MAP3K14: variants seen among roughly 807,000 people sequenced by gnomAD.
MAP3K14 encodes the protein NF-kappa-beta-inducing kinase.
Under a neutral mutation model 99.2 loss-of-function variants are expected in MAP3K14, and 16 were observed. That is an observed-to-expected ratio of 0.16 (90% confidence interval 0.11 to 0.24). MAP3K14 has a LOEUF of 0.24. MAP3K14 is among the 10% of genes least tolerant of loss of function. MAP3K14 has a pLI of 1.00. For missense variants in MAP3K14, 784 were observed against 1,208.7 expected, an observed-to-expected ratio of 0.65 and a Z score of 5.21; for synonymous variants, 462 against 492.4, an observed-to-expected ratio of 0.94 and a Z score of 0.82.
rs1288214176 is a variant in MAP3K14 at position 45,290,737 on chromosome 17, C to T, written c.9G>A (p.Val3=). MA[V]MEMACPGAPG... ...GGGCACCTGGGCAGGCCATTTCCAT[C>T]ACTGCCATCTCCCAGGCTTGTGCTC... is the stretch of plus-strand genomic sequence containing the variant. Residue 3 remains valine (V), a synonymous_variant, in exon 2 of 16, where the codon GTG becomes GTA. Coordinates refer to ENST00000344686, the MANE Select transcript of MAP3K14 (RefSeq NM_003954.5). The T allele has an allele frequency of 6.2e-7, 1 of 1,613,132 alleles. No individual in the cohort carries two copies. Among genetic ancestry groups the T allele is most frequent in the South Asian group, 1.1e-5 (1 of 91,064 alleles).
intron 14 of MAP3K14, 29 bp downstream of exon 14, chr17:45,266,508 C>A: frequency 6.3e-7 from 1 of 1,585,396 alleles, no homozygotes. Context: ...GCCACGGGGA[C>A]TGCTGAGCAG....
chr17:45,304,010 CTTTTTTTTTTTT>C (rs1026894731), intron 1 of MAP3K14, among the ~76,000 whole-genome samples: 2 of 127,732 alleles, frequency 1.6e-5, no homozygotes, highest in East Asian at 4.6e-4. Context: ...CTTTTCTTTT[CTTTTTTTTTTTT>C]TTTTTTTTGA....
At chr17:45,285,561 G>A (rs896079995) in intron 5 of MAP3K14, among the ~76,000 whole-genome samples, 1 of 152,112 alleles carries the variant, frequency 6.6e-6, no homozygotes, top group Non-Finnish European at 1.5e-5. Flanking sequence ...GGAAGGGGGA[G>A]GTTGCAGTGA....
intron 5 of MAP3K14, 24 bp from the exon 6 acceptor site, chr17:45,284,973 A>G: frequency 6.5e-7 from 1 of 1,549,878 alleles, no homozygotes; most frequent in Non-Finnish European, 8.7e-7. Context: ...GAGAGAGAGG[A>G]CAGTTTCAGT....
intron 6 of MAP3K14, 30 bp from the exon 7 acceptor site, chr17:45,274,623 C>G (rs753132214): frequency 1.2e-5 from 19 of 1,609,280 alleles, no homozygotes; most frequent in Admixed American, 1.7e-5. Flanking sequence ...GCTGTTAAGA[C>G]AGGGTGAGGG....
intron 2 of MAP3K14, among the ~76,000 whole-genome samples, chr17:45,289,648 A>G (rs1407408953): frequency 6.6e-6 from 1 of 152,254 alleles, no homozygotes; most frequent in Admixed American, 6.5e-5. Context: ...TAGGAAAAAC[A>G]GCTATTAGGT....
chr17:45,278,365 TC>T (rs906623812), intron 6 of MAP3K14, among the ~76,000 whole-genome samples: 19 of 152,284 alleles, frequency 1.2e-4, no homozygotes, highest in African/African-American at 4.6e-4. Flanking sequence ...TCTCTGAACT[TC>T]CGTGTTCCTC....
At chr17:45,290,788 C>A (rs2143831138) in intron 1 of MAP3K14, 23 bp from the exon 2 acceptor site, 1 of 1,596,754 alleles carries the variant, frequency 6.3e-7, no homozygotes, top group East Asian at 2.2e-5. Context: ...AAACACAGAG[C>A]AGGTCACTTA....
In MAP3K14 at chr17:45,286,383, C is replaced by A; in HGVS notation, c.1152+48G>T. ...TCTGATAAAGAGAGAAAAGCATCCC[C>A]CAGGTTGCTGGTAGAGGGACATATA... On this transcript the variant is annotated intron_variant, in intron 5 of 15. Coordinates refer to ENST00000344686, the MANE Select transcript of MAP3K14 (RefSeq NM_003954.5). The surrounding 1 kb of genome is among the most constrained non-coding windows in gnomAD (Gnocchi z 4.1). The A allele has an allele frequency of 6.6e-7, 1 of 1,510,512 alleles. No individual in the cohort carries two copies. The highest frequency in any genetic ancestry group is 2.3e-5 in the East Asian group (1 of 43,110). 93.6% of individuals were successfully genotyped at this position (1,510,512 alleles called of 1,614,324 possible).
chr17:45,301,073 T>A (rs538906626), intron 1 of MAP3K14, among the ~76,000 whole-genome samples: 8 of 148,320 alleles, frequency 5.4e-5, no homozygotes, highest in Non-Finnish European at 8.9e-5. Flanking sequence ...GAGGCTGAGG[T>A]GGAAGGATTG....
At chr17:45,273,216 G>C (rs1340219307) in intron 9 of MAP3K14, among the ~76,000 whole-genome samples, 1 of 152,206 alleles carries the variant, frequency 6.6e-6, no homozygotes, top group Non-Finnish European at 1.5e-5. Flanking sequence ...CCAGACAAGA[G>C]GTAGGAGCCA....
chr17:45,264,532 C>T lies in MAP3K14; in HGVS notation c.*104G>A. The T allele has an allele frequency of 7.2e-7, 1 of 1,383,708 alleles. No homozygotes were observed. The highest frequency in any genetic ancestry group is 9.5e-7 in the Non-Finnish European group (1 of 1,050,804). The allele number at this position is 1,383,708 out of a possible 1,614,324, so 85.7% of individuals were successfully genotyped here. ...CCTGGTCCCACTGCTGAGCCGGGGG[C>T]TGGCAGATCCCTGGGAACGGCTGAG... On this transcript the variant is annotated 3_prime_UTR_variant, in exon 16 of 16. Coordinates refer to ENST00000344686, the MANE Select transcript of MAP3K14 (RefSeq NM_003954.5).
At chr17:45,266,810 T>C in intron 13 of MAP3K14, 129 bp from the exon 14 acceptor site, 2 of 1,035,876 alleles carry the variant, frequency 1.9e-6, no homozygotes, top group Non-Finnish European at 1.4e-6. Context: ...GTTGCCTCCA[T>C]GGGGGACGAA....
intron 1 of MAP3K14, among the ~76,000 whole-genome samples, chr17:45,298,153 T>A (rs943578225): frequency 1.3e-5 from 2 of 152,180 alleles, no homozygotes; most frequent in Admixed American, 1.3e-4. Context: ...CTTTTAAATT[T>A]TATTAGAAAA....
intron 10 of MAP3K14, 64 bp from the exon 11 acceptor site, chr17:45,270,627 TG>T (rs1943221300): frequency 4.1e-6 from 6 of 1,480,376 alleles, no homozygotes; most frequent in Non-Finnish European, 5.4e-6. Flanking sequence ...CGGCTGTTAT[TG>T]CTCTTTGCGC....
Position 45,272,907 on chromosome 17 carries a change from T to C in MAP3K14, c.1657+596A>G, listed in dbSNP as rs1330373935. Among the ~76,000 whole-genome samples, 1 of 152,142 alleles carries C rather than the reference T, an allele frequency of 6.6e-6. No individual in the cohort carries two copies. The highest frequency in any genetic ancestry group is 1.5e-5 in the Non-Finnish European group (1 of 68,012). On this transcript the variant is annotated intron_variant, in intron 9 of 15. Coordinates refer to ENST00000344686, the MANE Select transcript of MAP3K14 (RefSeq NM_003954.5). The surrounding 1 kb of genome is among the most constrained non-coding windows in gnomAD (Gnocchi z 4.1). ...GTGAGCTGAGATTGTGCCACTGCACTCCAGCCTGGGTGACAGAGTGAGACT... is the reference window on the plus strand; with the variant it reads ...GTGAGCTGAGATTGTGCCACTGCACCCCAGCCTGGGTGACAGAGTGAGACT...
intron 1 of MAP3K14, among the ~76,000 whole-genome samples, chr17:45,315,093 G>C (rs1433853875): frequency 6.6e-6 from 1 of 151,954 alleles, no homozygotes; most frequent in African/African-American, 2.4e-5. Context: ...AGCAGTAAAT[G>C]ATATACACAT....
chr17:45,265,060 T>G (rs749504479), intron 15 of MAP3K14, 103 bp downstream of exon 15: 1 of 994,460 alleles, frequency 1.0e-6, no homozygotes, highest in Non-Finnish European at 1.6e-6. Flanking sequence ...AAGTATTCCC[T>G]AGAGTGCCAT....
chr17:45,293,355 T>C (rs953075636), intron 1 of MAP3K14, among the ~76,000 whole-genome samples: 3 of 152,172 alleles, frequency 2.0e-5, no homozygotes, highest in African/African-American at 7.2e-5. Context: ...GAGCTAGAAC[T>C]CCTCCAGAGG....
Sources: allele counts gnomAD v4.1 joint callset (sites outside exome capture counted in the v4.1 genomes callset), GRCh38; gene constraint gnomAD v4.1.1; non-coding constraint Gnocchi (gnomAD v3.1); transcripts MANE v1.5; gene names NCBI Gene and HGNC (gene_info 2026-07-23, HGNC 2026-07-21).